The following TTC7A variants were observed in gnomAD, a reference collection of about 807,000 sequenced individuals.
TTC7A encodes tetratricopeptide repeat protein 7A.
In TTC7A, 110 loss-of-function variants were observed where a neutral mutation model predicts 103.7. The ratio of observed to expected loss-of-function variants is 1.06; its 90% CI spans 0.91 to 1.24. The LOEUF (loss-of-function observed/expected upper bound fraction) is 1.24, where lower values mean the gene tolerates loss of function less well. TTC7A is among the 50% of genes most tolerant of loss of function. The pLI is 0.00. For synonymous variants in TTC7A, 521 were observed against 467.9 expected (o/e 1.11, Z -1.47); for missense variants, 1,340 against 1,116.3 (o/e 1.20, Z -2.86).
intron 1 of TTC7A, among the ~76,000 whole-genome samples, chr2:46,945,408 A>G (rs1403264244): frequency 6.6e-6 from 1 of 152,218 alleles, no homozygotes; most frequent in African/African-American, 2.4e-5. Flanking sequence ...GCGTGGCACC[A>G]CACCCAGCTA....
intron 16 of TTC7A, chr2:47,047,419 T>G: frequency 1.1e-6 from 1 of 886,040 alleles, no homozygotes; most frequent in Non-Finnish European, 1.8e-6. Flanking sequence ...GGAGGACCAG[T>G]GGGCGGAAGC....
intron 15 of TTC7A, among the ~76,000 whole-genome samples, chr2:47,038,776 C>T (rs1002017634): frequency 2.0e-5 from 3 of 151,484 alleles, no homozygotes; most frequent in Non-Finnish European, 4.4e-5. Context: ...GTTTCAGGAA[C>T]GCCCTGCAGC....
intron 10 of TTC7A, among the ~76,000 whole-genome samples, chr2:47,008,965 G>A (rs984523800): frequency 2.6e-5 from 4 of 151,952 alleles, no homozygotes; most frequent in South Asian, 2.1e-4. Flanking sequence ...AAATAGCAGC[G>A]TTTTTTGGTG....
At chr2:46,966,027 G>C (rs1007086887) in intron 3 of TTC7A, among the ~76,000 whole-genome samples, 2 of 151,906 alleles carry the variant, frequency 1.3e-5, no homozygotes, top group East Asian at 3.9e-4. Context: ...TCAGCTCACC[G>C]CAACCTCCAC....
chr2:47,050,766 C>T (rs1194467921), intron 17 of TTC7A: 1 of 152,218 alleles, frequency 6.6e-6, no homozygotes, highest in African/African-American at 2.4e-5. Flanking sequence ...TGCAGAGCTT[C>T]TGTCTCCCAG....
At chr2:47,071,388 C>T (rs1684693207) in intron 19 of TTC7A, among the ~76,000 whole-genome samples, 1 of 152,172 alleles carries the variant, frequency 6.6e-6, no homozygotes, top group African/African-American at 2.4e-5. Flanking sequence ...AGAGCCATGC[C>T]CTCTCCCAGC....
chr2:47,030,883 T>G (rs1203022251), intron 15 of TTC7A, among the ~76,000 whole-genome samples: 5 of 152,202 alleles, frequency 3.3e-5, no homozygotes, highest in African/African-American at 1.2e-4. Flanking sequence ...CAGTGGCTCA[T>G]GCCTATAATC....
At chr2:46,966,368 A>C (rs1000142241) in intron 3 of TTC7A, among the ~76,000 whole-genome samples, 3 of 152,224 alleles carry the variant, frequency 2.0e-5, no homozygotes, top group African/African-American at 7.2e-5. Flanking sequence ...CACTCTGTGA[A>C]CATTTTGAGG....
intron 14 of TTC7A, 81 bp downstream of exon 14, chr2:47,024,440 A>G: frequency 7.7e-7 from 1 of 1,305,070 alleles, no homozygotes; most frequent in East Asian, 2.7e-5. Flanking sequence ...CAGCTGTGTG[A>G]CCCTCTGCAA....
chr2:47,038,629 T>TTCCCCCCCCCCCCCCCCCCCCCCC (rs1681394197), intron 15 of TTC7A, among the ~76,000 whole-genome samples: 1 of 86,940 alleles, frequency 1.2e-5, no homozygotes, highest in African/African-American at 4.5e-5. Context: ...TGCTGCCACT[T>TTCCCCCCCCCCCCCCCCCCCCCCC]CCCACCCACC....
intron 3 of TTC7A, chr2:46,974,678 G>T (rs777561498): frequency 3.9e-6 from 2 of 513,020 alleles, no homozygotes; most frequent in Non-Finnish European, 7.6e-6. Context: ...ATTCTCTTTC[G>T]CTTAGAAAAA....
chr2:47,050,135 C>T (rs1282159857), intron 17 of TTC7A, 89 bp downstream of exon 17: 4 of 1,135,718 alleles, frequency 3.5e-6, no homozygotes, highest in East Asian at 4.9e-5. Flanking sequence ...GGGGCCGGGC[C>T]CTCTCCCAGC....
At chr2:47,064,603 C>T (rs1316376654) in intron 19 of TTC7A, among the ~76,000 whole-genome samples, 1 of 152,220 alleles carries the variant, frequency 6.6e-6, no homozygotes, top group African/African-American at 2.4e-5. Context: ...CTCTGCTCTG[C>T]CACCTCCCTG....
upstream of TTC7A, among the ~76,000 whole-genome samples, chr2:46,940,876 C>G (rs567959693): frequency 5.3e-5 from 8 of 152,178 alleles, no homozygotes; most frequent in East Asian, 1.6e-3. This position sits in a 1 kb window ranked among gnomAD's most constrained non-coding sequence, Gnocchi z 4.7. Flanking sequence ...ATTTTTGTGA[C>G]GTGTCAGGGG....
At chr2:46,971,581 A>G (rs1372138836) in intron 3 of TTC7A, among the ~76,000 whole-genome samples, 1 of 147,642 alleles carries the variant, frequency 6.8e-6, no homozygotes, top group Non-Finnish European at 1.5e-5. Flanking sequence ...TGGGGATTAG[A>G]GTGAGACTGG....
At chr2:47,023,600 A>G in intron 13 of TTC7A, 135 bp downstream of exon 13, 4 of 972,162 alleles carry the variant, frequency 4.1e-6, no homozygotes, top group Non-Finnish European at 6.2e-6. Context: ...GGAACTGCAC[A>G]CAGCAAGCAG....
intron 5 of TTC7A, among the ~76,000 whole-genome samples, chr2:46,983,823 C>T (rs941444210): frequency 6.6e-6 from 1 of 152,118 alleles, no homozygotes; most frequent in Non-Finnish European, 1.5e-5. Flanking sequence ...GTTTGCTGAC[C>T]CCTGCACTAC....
At chr2:46,985,233 C>G (rs1674894300) in intron 5 of TTC7A, among the ~76,000 whole-genome samples, 1 of 152,090 alleles carries the variant, frequency 6.6e-6, no homozygotes, top group Non-Finnish European at 1.5e-5. Flanking sequence ...TTGGTCCTTA[C>G]AGCCAGGATC....
chr2:46,926,065 T>C (rs1669368096), intron 2 of TTC7A, among the ~76,000 whole-genome samples: 2 of 152,180 alleles, frequency 1.3e-5, no homozygotes, highest in Non-Finnish European at 1.5e-5. Context: ...TAGTCTCTTA[T>C]TTCTGTGTCT....
Sources: gnomAD v4.1 joint callset for allele counts (sites outside exome capture counted in the v4.1 genomes callset) on GRCh38, gnomAD v4.1.1 for gene constraint, Gnocchi (gnomAD v3.1) non-coding constraint, MANE v1.5 for transcripts, NCBI Gene and HGNC (gene_info 2026-07-23, HGNC 2026-07-21) for gene names.